CROCC2: variants seen among roughly 807,000 people sequenced by gnomAD.
CROCC2 encodes ciliary rootlet coiled-coil, rootletin family member 2.
CROCC2 carries 163 observed loss-of-function variants against 177.6 expected under a neutral mutation model. The ratio of observed to expected loss-of-function variants is 0.92; its 90% CI spans 0.81 to 1.05. CROCC2 has a LOEUF of 1.05. Ranked by LOEUF, CROCC2 falls within the 50% of genes least tolerant of loss-of-function variation. The pLI is 0.00. For missense variants in CROCC2, 1,929 were observed against 1,797.8 expected (o/e 1.07, Z -1.32); for synonymous variants, 904 against 787.3 (o/e 1.15, Z -2.48).
chr2:240,931,181 C>T, intron 7 of CROCC2, 53 bp downstream of exon 7: 1 of 664,982 alleles, frequency 1.5e-6, no homozygotes, highest in Non-Finnish European at 2.8e-6. Context: ...GGGGTCGGGG[C>T]CCATCCAGCG....
chr2:240,991,829 C>T (rs79741989), intron 31 of CROCC2, among the ~76,000 whole-genome samples: 5,052 of 152,322 alleles, frequency 0.033, 110 homozygotes, highest in Non-Finnish European at 0.051. Flanking sequence ...CGGGAAAACA[C>T]GTGGGAAACA....
rs868038833 is a variant in CROCC2 at position 240,930,357 on chromosome 2, C to T, written c.749+88C>T. On this transcript the variant is annotated intron_variant, in intron 6 of 31. Coordinates refer to ENST00000690015, the MANE Select transcript of CROCC2 (RefSeq NM_001351305.2). ...GGGAGGGGGAAATCGGTGCCCAGGG[C>T]GGGCTCTCCCGTGGGTGCAGTAGCC... 9 of 451,254 alleles carry T rather than the reference C, an allele frequency of 2.0e-5. 1 individual carries two copies. Among genetic ancestry groups the T allele is most frequent in the South Asian group, 1.1e-4 (2 of 18,360 alleles). The allele number at this position is 451,254 out of a possible 1,614,324, so 28.0% of individuals were successfully genotyped here.
intron 15 of CROCC2, among the ~76,000 whole-genome samples, chr2:240,948,538 CA>C (rs2059536041): frequency 6.6e-6 from 1 of 152,322 alleles, no homozygotes; most frequent in Non-Finnish European, 1.5e-5. Flanking sequence ...CAGCGAACAG[CA>C]ACAATGAAAC....
Position 240,917,660 on chromosome 2 carries a change from G to A in CROCC2, c.79-1066G>A, listed in dbSNP as rs2059329012. Reference sequence around the variant, plus strand: ...GGAGGACTTGGGTGGACTCTGGCGTGCCATGCTGGAGAGCCCTAGGAGTGG... The same window carrying A: ...GGAGGACTTGGGTGGACTCTGGCGTACCATGCTGGAGAGCCCTAGGAGTGG... On this transcript the variant is annotated intron_variant, in intron 1 of 31. Coordinates refer to ENST00000690015, the MANE Select transcript of CROCC2 (RefSeq NM_001351305.2). This position sits in a 1 kb window ranked among gnomAD's most constrained non-coding sequence, Gnocchi z 4.9. 6.6e-6 allele frequency among the ~76,000 whole-genome samples: 1 copy of A among 152,152 alleles called. No individual in the cohort carries two copies. Among genetic ancestry groups the A allele is most frequent in the Non-Finnish European group, 1.5e-5 (1 of 67,980 alleles).
intron 14 of CROCC2, among the ~76,000 whole-genome samples, chr2:240,941,700 A>C (rs77585421): frequency 6.6e-6 from 1 of 152,226 alleles, no homozygotes. Flanking sequence ...TGCACAGTCT[A>C]TATCCAAATA....
rs887662497 is a variant in CROCC2 at position 240,918,173 on chromosome 2, C to T, written c.79-553C>T. Among the ~76,000 whole-genome samples the T allele has an allele frequency of 6.6e-6, 1 of 152,218 alleles. No homozygotes were observed. The highest frequency in any genetic ancestry group is 6.5e-5 in the Admixed American group (1 of 15,290). On this transcript the variant is annotated intron_variant, in intron 1 of 31. Transcript: ENST00000690015. This position sits in a 1 kb window ranked among gnomAD's most constrained non-coding sequence, Gnocchi z 6.3. ...ACCGAGCCTGTGGAGGGGCAGTGGG[C>T]AGCTGAGCAGAGAAGGATGGGTTCA...
chr2:240,940,052 T>C (rs2059487778), intron 14 of CROCC2, among the ~76,000 whole-genome samples: 1 of 152,200 alleles, frequency 6.6e-6, no homozygotes, highest in South Asian at 2.1e-4. Flanking sequence ...TAGTGCTGTT[T>C]AAATCTTCTA....
chr2:240,915,682 G>A (rs1176204454), intron 1 of CROCC2, among the ~76,000 whole-genome samples: 1 of 152,140 alleles, frequency 6.6e-6, no homozygotes, highest in Non-Finnish European at 1.5e-5. Context: ...ACCAAATGGG[G>A]TGGCGCAGCA....
At chr2:240,916,525 A>G (rs1574744414) in intron 1 of CROCC2, among the ~76,000 whole-genome samples, 1 of 71,122 alleles carries the variant, frequency 1.4e-5, no homozygotes. Flanking sequence ...TGTCCCCCTG[A>G]ACGCCCCCTG....
chr2:240,972,955 G>A lies in CROCC2; in HGVS notation c.4401+4693G>A, dbSNP rs2059732048. Among the ~76,000 whole-genome samples, 2 of 152,008 alleles carry A rather than the reference G, an allele frequency of 1.3e-5. No homozygotes were observed. The highest frequency in any genetic ancestry group is 4.2e-4 in the South Asian group (2 of 4,818). On this transcript the variant is annotated intron_variant, in intron 27 of 31. Coordinates refer to ENST00000690015, the MANE Select transcript of CROCC2 (RefSeq NM_001351305.2). The surrounding 1 kb of genome is among the most constrained non-coding windows in gnomAD (Gnocchi z 7.1). ...GGTTGAAATTTTCTAGCCAGCCAGGGGGCTGGGAACATAGCCATGCTCCCT... is the reference window on the plus strand; with the variant it reads ...GGTTGAAATTTTCTAGCCAGCCAGGAGGCTGGGAACATAGCCATGCTCCCT...
chr2:240,946,033 C>A, intron 14 of CROCC2, 27 bp from the exon 15 acceptor site: 1 of 1,465,324 alleles, frequency 6.8e-7, no homozygotes, highest in South Asian at 1.4e-5. Context: ...CTTTCTCTGC[C>A]GACTGTCCCC....
intron 14 of CROCC2, among the ~76,000 whole-genome samples, chr2:240,943,974 C>T (rs1360939457): frequency 8.5e-5 from 13 of 152,118 alleles, no homozygotes; most frequent in Admixed American, 8.5e-4. Context: ...TTGGATTGTA[C>T]GTTGTATTGC....
intron 14 of CROCC2, among the ~76,000 whole-genome samples, chr2:240,941,609 G>A (rs1481481652): frequency 6.6e-6 from 1 of 152,124 alleles, no homozygotes; most frequent in Non-Finnish European, 1.5e-5. Flanking sequence ...AATGGTGCTG[G>A]GATAATTGTC....
chr2:240,914,133 G>A (rs77464496), intron 1 of CROCC2, among the ~76,000 whole-genome samples: 6,296 of 152,306 alleles, frequency 0.041, 172 homozygotes, highest in Non-Finnish European at 0.063. Flanking sequence ...GGGCACACAG[G>A]GGAGGAGAAC....
chr2:240,933,593 C>T, intron 10 of CROCC2, 77 bp from the exon 11 acceptor site: 1 of 1,472,270 alleles, frequency 6.8e-7, no homozygotes, highest in Admixed American at 2.1e-5. Flanking sequence ...TCCACCCAGC[C>T]CCCAATGCCC....
chr2:240,914,737 C>A lies in CROCC2; in HGVS notation c.79-3989C>A, dbSNP rs1486812273. 2.0e-5 allele frequency among the ~76,000 whole-genome samples: 3 copies of A among 152,294 alleles called. No homozygotes were observed. The East Asian group carries it at 5.8e-4, about 30-fold the overall frequency. On this transcript the variant is annotated intron_variant, in intron 1 of 31. Transcript: ENST00000690015. ...GCGGGGGTCCCGATGGACGTGCTCCCCCTCCCGCCCCCAGCTCAGGCAGCT... is the reference window on the plus strand; with the variant it reads ...GCGGGGGTCCCGATGGACGTGCTCCACCTCCCGCCCCCAGCTCAGGCAGCT...
Position 240,918,824 on chromosome 2 carries a change from C to T in CROCC2, c.177C>T (p.Pro59=). The T allele has an allele frequency of 1.6e-6, 1 of 630,172 alleles. No homozygotes were observed. Among genetic ancestry groups the T allele is most frequent in the Non-Finnish European group, 2.9e-6 (1 of 343,906 alleles). 39.0% of individuals were successfully genotyped at this position (630,172 alleles called of 1,614,324 possible). Residue 59 remains proline, a synonymous_variant, in exon 2 of 32, where the codon CCC becomes CCT. Coordinates refer to ENST00000690015, the MANE Select transcript of CROCC2 (RefSeq NM_001351305.2). The surrounding 1 kb of genome is among the most constrained non-coding windows in gnomAD (Gnocchi z 6.3). The stretch of plus-strand genomic sequence containing the variant: ...GGCAGGCCTCGCCCACCCCCGTGCC[C>T]ACCCGCATCCGTGAGATCGTGGCCG... ...EGRQASPTPV[P]TRIREIVAGS... is the part of the protein sequence containing the mutation.
At chr2:240,945,648 C>T (rs972050458) in intron 14 of CROCC2, among the ~76,000 whole-genome samples, 1 of 152,152 alleles carries the variant, frequency 6.6e-6, no homozygotes, top group South Asian at 2.1e-4. Flanking sequence ...AGGTGTCTTG[C>T]ATATTCTTAT....
rs1292567626 is a variant in CROCC2, at chr2:240,989,687, C to T, written c.4717C>T (p.Gln1573Ter). 3 of 1,549,660 alleles carry T rather than the reference C, an allele frequency of 1.9e-6. No homozygotes were observed. The highest frequency in any genetic ancestry group is 2.7e-5 in the African/African-American group (2 of 73,064). ...GACAGAGATGGAGCAGGCCCACACC[C>T]AGCGGCTCCAGGACCTGACAGCTCA... Reference protein sequence around the residue: ...QMTEMEQAHTQRLQDLTAQHQ... With the variant: ...QMTEMEQAHT The change falls in exon 30 of 32, where the codon CAG becomes TAG. Residue 1573 changes from glutamine to a stop codon, truncating the protein, a stop_gained. Coordinates refer to ENST00000690015, the MANE Select transcript of CROCC2 (RefSeq NM_001351305.2). LOFTEE classifies it high-confidence loss of function.
Sources: allele counts gnomAD v4.1 joint callset (sites outside exome capture counted in the v4.1 genomes callset), GRCh38; gene constraint gnomAD v4.1.1; non-coding constraint Gnocchi (gnomAD v3.1); transcripts MANE v1.5; gene names NCBI Gene and HGNC (gene_info 2026-07-23, HGNC 2026-07-21).